Variants in RASGEF1C observed in about 807,000 individuals in gnomAD.
RASGEF1C encodes the protein RasGEF domain family member 1C.
RASGEF1C carries 27 observed loss-of-function variants against 58.1 expected under a neutral mutation model. The observed-to-expected ratio is 0.46, with a 90% CI of 0.34 to 0.64. The LOEUF (loss-of-function observed/expected upper bound fraction) is 0.64, where lower values mean the gene tolerates loss of function less well. Among genes scored for constraint, RASGEF1C ranks in the 30% least tolerant of loss-of-function variants. RASGEF1C has a pLI of 0.01. For missense variants in RASGEF1C, 502 were observed against 605.1 expected (o/e 0.83, Z 1.79); for synonymous variants, 243 against 246.3 (o/e 0.99, Z 0.13).
Position 180,137,572 on chromosome 5 carries a change from G to A in RASGEF1C, c.300+18C>T, listed in dbSNP as rs367592429. 1.2e-5 allele frequency: 19 copies of A among 1,605,160 alleles called. No homozygotes were observed. In the East Asian group the frequency reaches 1.6e-4, roughly 13 times the overall value. On this transcript the variant is annotated intron_variant, in intron 3 of 13. Coordinates refer to ENST00000361132, the MANE Select transcript of RASGEF1C (RefSeq NM_175062.4). This position sits in a 1 kb window ranked among gnomAD's most constrained non-coding sequence, Gnocchi z 4.1. ...TGCTGGTACACTCTGAGACCCCCTG[G>A]CCTGCCCTCCGCCTCACCTTGTCCA...
At chr5:180,193,272 G>T (rs931468336) in intron 1 of RASGEF1C, among the ~76,000 whole-genome samples, 1 of 141,038 alleles carries the variant, frequency 7.1e-6, no homozygotes, top group Non-Finnish European at 1.5e-5. Context: ...AGCCAGGATG[G>T]TCTCGATCTC....
chr5:180,189,140 T>C (rs1756100874), intron 1 of RASGEF1C, among the ~76,000 whole-genome samples: 1 of 152,244 alleles, frequency 6.6e-6, no homozygotes, highest in Non-Finnish European at 1.5e-5. Context: ...ATTGTATTTC[T>C]ACCTATCAGC....
At position 180,137,610 on chromosome 5, in the gene RASGEF1C, C is replaced by G. The variant is rs533943411; in HGVS notation, c.280G>C (p.Asp94His). Residue 94 changes from aspartate (D) to histidine (H), a missense_variant, in exon 3 of 14, where the codon GAC becomes CAC. Transcript: ENST00000361132. The surrounding 1 kb of genome is among the most constrained non-coding windows in gnomAD (Gnocchi z 4.1). The stretch of plus-strand genomic sequence containing the variant: ...CTCACCTTGTCCAGCACCGGCTTGT[C>G]CAGCTGCTGCTGCTCGATGCACAGG... ...CHLCIEQQQL[D>H]KPVLDKARVR... The G allele has an allele frequency of 1.2e-6, 2 of 1,605,252 alleles. No individual in the cohort carries two copies. Among genetic ancestry groups the G allele is most frequent in the South Asian group, 1.1e-5 (1 of 90,360 alleles).
At chr5:180,180,562 T>C (rs1281100914) in intron 1 of RASGEF1C, among the ~76,000 whole-genome samples, 1 of 152,222 alleles carries the variant, frequency 6.6e-6, no homozygotes, top group East Asian at 1.9e-4. Flanking sequence ...CCCAGGTCCC[T>C]GCCCAGAGGT....
chr5:180,122,777 C>CA (rs72105671), intron 6 of RASGEF1C, among the ~76,000 whole-genome samples: 18 of 137,846 alleles, frequency 1.3e-4, no homozygotes, highest in East Asian at 4.3e-4. Flanking sequence ...AAACAAAAAA[C>CA]AAAAAAAAAT....
chr5:180,102,320 G>T (rs557469607), intron 12 of RASGEF1C, among the ~76,000 whole-genome samples, 177 bp from the exon 13 acceptor site: 1 of 151,590 alleles, frequency 6.6e-6, no homozygotes, highest in South Asian at 2.1e-4. Context: ...TAACATTTGC[G>T]TGAGGGCTTT....
rs1766486607 is a variant in RASGEF1C, at chr5:180,136,775, C to G, written c.301-260G>C. The stretch of plus-strand genomic sequence containing the variant: ...CCATCCTCCCTGGTGAGTCTTCGCG[C>G]TGCGGGGAGTGGGGAGTCCTCAGAG... On this transcript the variant is annotated intron_variant, in intron 3 of 13. Coordinates refer to ENST00000361132, the MANE Select transcript of RASGEF1C (RefSeq NM_175062.4). The G allele has an allele frequency of 2.3e-4, 114 of 497,728 alleles. 1 individual carries two copies. The South Asian group carries it at 2.8e-3, about 12-fold the overall frequency. 30.8% of individuals were successfully genotyped at this position (497,728 alleles called of 1,614,324 possible).
chr5:180,204,602 G>A (rs948269383), intron 1 of RASGEF1C, among the ~76,000 whole-genome samples: 2 of 149,472 alleles, frequency 1.3e-5, no homozygotes, highest in African/African-American at 5.0e-5. Context: ...TAAAATAGGA[G>A]TCAATGGATA....
rs149111219 is a variant in RASGEF1C at position 180,159,436 on chromosome 5, G to A, written c.-6-21378C>T. Among the ~76,000 whole-genome samples, 14 of 152,258 alleles carry A rather than the reference G, an allele frequency of 9.2e-5. No homozygotes were observed. In the East Asian group the frequency reaches 2.3e-3, roughly 25 times the overall value. ...ATTACAGGCATGAGCCACCGTGCCCGGCCTTAACAAGTTTTATTTAAAGTT... is the reference window on the plus strand; with the variant it reads ...ATTACAGGCATGAGCCACCGTGCCCAGCCTTAACAAGTTTTATTTAAAGTT... On this transcript the variant is annotated intron_variant, in intron 1 of 13. Transcript: ENST00000361132.
chr5:180,195,048 C>T (rs1158135392), intron 1 of RASGEF1C, among the ~76,000 whole-genome samples: 6 of 152,230 alleles, frequency 3.9e-5, no homozygotes, highest in Admixed American at 3.9e-4. Flanking sequence ...AGGGCGGGGC[C>T]CAGTGCCTGC....
intron 13 of RASGEF1C, 131 bp downstream of exon 13, chr5:180,101,940 G>T: frequency 1.5e-6 from 1 of 682,830 alleles, no homozygotes; most frequent in Non-Finnish European, 2.6e-6. Context: ...CTGGTGAGCC[G>T]GGTATCTCTG....
In RASGEF1C at chr5:180,138,019, T is replaced by G. The variant is rs1582276337; in HGVS notation, c.34A>C (p.Thr12Pro). The G allele has an allele frequency of 6.5e-7, 1 of 1,549,710 alleles. No homozygotes were observed. The highest frequency in any genetic ancestry group is 8.7e-7 in the Non-Finnish European group (1 of 1,156,024). Residue 12 changes from threonine to proline, a missense_variant, in exon 2 of 14, where the codon ACC becomes CCC. Transcript: ENST00000361132. ...GGGGGTGGGCTGAGGCTGCCTGGGG[T>G]GACCATGTCGGAGGCACTCAGCGTC... ...PQTLSASDMV[T>P]PGSLSPPPTE...
At chr5:180,173,653 G>A (rs962121732) in intron 1 of RASGEF1C, among the ~76,000 whole-genome samples, 12 of 152,246 alleles carry the variant, frequency 7.9e-5, no homozygotes, top group South Asian at 2.1e-4. Context: ...GGTGGCTCCC[G>A]CCTGTAGTCC....
At chr5:180,151,495 T>A (rs1454444527) in intron 1 of RASGEF1C, among the ~76,000 whole-genome samples, 2 of 152,170 alleles carry the variant, frequency 1.3e-5, no homozygotes, top group Non-Finnish European at 2.9e-5. Flanking sequence ...TAAATGGTGC[T>A]GGGAAAACTG....
intron 12 of RASGEF1C, among the ~76,000 whole-genome samples, chr5:180,108,874 T>G (rs1258955449): frequency 6.6e-6 from 1 of 152,084 alleles, no homozygotes; most frequent in East Asian, 1.9e-4. Context: ...TCCACTTTTT[T>G]GGGGTTGTGG....
chr5:180,135,049 C>T (rs1050481326), intron 4 of RASGEF1C, among the ~76,000 whole-genome samples: 4 of 136,800 alleles, frequency 2.9e-5, no homozygotes, highest in African/African-American at 1.0e-4. Flanking sequence ...GTCCCCACCC[C>T]CCCCGTCCAA....
chr5:180,176,580 G>A (rs1266074920), intron 1 of RASGEF1C, among the ~76,000 whole-genome samples: 3 of 146,218 alleles, frequency 2.1e-5, no homozygotes, highest in Admixed American at 6.8e-5. Context: ...TTTTTGAGAT[G>A]GAGTCTTGCT....
At chr5:180,115,988 G>A (rs540332188) in intron 10 of RASGEF1C, among the ~76,000 whole-genome samples, 1 of 152,258 alleles carries the variant, frequency 6.6e-6, no homozygotes, top group South Asian at 2.1e-4. Context: ...CCAAGACAGG[G>A]AGGGGGTTTA....
chr5:180,146,340 A>G (rs1021423678), intron 1 of RASGEF1C, among the ~76,000 whole-genome samples: 2 of 152,060 alleles, frequency 1.3e-5, no homozygotes, highest in Non-Finnish European at 2.9e-5. Context: ...TACTTTTAAC[A>G]CGGTTTCACC....
Sources: allele counts gnomAD v4.1 joint callset (sites outside exome capture counted in the v4.1 genomes callset), GRCh38; gene constraint gnomAD v4.1.1; non-coding constraint Gnocchi (gnomAD v3.1); transcripts MANE v1.5; gene names NCBI Gene and HGNC (gene_info 2026-07-23, HGNC 2026-07-21).